SH3RF3: variants seen among roughly 807,000 people sequenced by gnomAD.
SH3RF3 encodes E3 ubiquitin-protein ligase SH3RF3.
In SH3RF3, 29 loss-of-function variants were observed where a neutral mutation model predicts 66.3. The observed-to-expected ratio is 0.44, with a 90% CI of 0.33 to 0.60. The LOEUF is 0.60. Ranked by LOEUF, SH3RF3 falls within the 20% of genes least tolerant of loss-of-function variation. The probability of loss-of-function intolerance (pLI) is 0.04; values close to 1 mark genes in which losing one functional copy is unlikely to be tolerated. For missense variants in SH3RF3, 1,194 were observed against 1,190.9 expected (o/e 1.00, Z -0.04); for synonymous variants, 583 against 532.0 (o/e 1.10, Z -1.32).
At chr2:109,154,159 A>C (rs1439284489) in intron 1 of SH3RF3, among the ~76,000 whole-genome samples, 4 of 152,210 alleles carry the variant, frequency 2.6e-5, no homozygotes, top group African/African-American at 9.7e-5. Flanking sequence ...GTTAGGGTTC[A>C]AAATGTCATC....
chr2:109,249,493 CTT>C (rs1232285647), intron 1 of SH3RF3, among the ~76,000 whole-genome samples: 14 of 24,116 alleles, frequency 5.8e-4, no homozygotes, highest in African/African-American at 4.4e-3. Flanking sequence ...TTCTTTCTTT[CTT>C]TCTTTCTTTC....
At chr2:109,183,334 T>A (rs943589842) in intron 1 of SH3RF3, among the ~76,000 whole-genome samples, 1 of 152,048 alleles carries the variant, frequency 6.6e-6, no homozygotes, top group Non-Finnish European at 1.5e-5. Context: ...TGATAAGTGC[T>A]TTGCAAGGTG....
At chr2:109,398,535 G>C (rs865882313) in intron 3 of SH3RF3, 55 bp from the exon 4 acceptor site, 1 of 1,439,810 alleles carries the variant, frequency 6.9e-7, no homozygotes, top group Non-Finnish European at 9.3e-7. Context: ...CAGAGGGCTG[G>C]TGTGGCATGT....
Position 109,419,569 on chromosome 2 carries a change from A to G in SH3RF3, c.1330A>G (p.Thr444Ala), listed in dbSNP as rs768165893. Residue 444 changes from threonine to alanine, a missense_variant, in exon 5 of 10, where the codon ACG (threonine) becomes GCG (alanine). By Grantham distance (58) the Thr-to-Ala change is moderately conservative. Coordinates refer to ENST00000309415, the MANE Select transcript of SH3RF3 (RefSeq NM_001099289.3). Reference sequence around the variant, plus strand: ...CTCCTCCTCGGCGGGATCTACCCCCACGGCTGTCCCACGGGCTGCCTCGGT... The same window carrying G: ...CTCCTCCTCGGCGGGATCTACCCCCGCGGCTGTCCCACGGGCTGCCTCGGT... ...DVSSSAGSTP[T>A]AVPRAASVSG... is the part of the protein sequence containing the mutation. 6.3e-7 allele frequency: 1 copy of G among 1,598,760 alleles called. No homozygotes were observed. The highest frequency in any genetic ancestry group is 1.1e-5 in the South Asian group (1 of 88,016).
chr2:109,202,486 G>A (rs921813451), intron 1 of SH3RF3, among the ~76,000 whole-genome samples: 8 of 152,168 alleles, frequency 5.3e-5, no homozygotes, highest in African/African-American at 2.4e-5. Flanking sequence ...TCCCTGGGGC[G>A]CGTTCTTGTT....
chr2:109,471,206 CAAAAAAAAAAAAA>C (rs61224177), intron 8 of SH3RF3, among the ~76,000 whole-genome samples: 6 of 40,144 alleles, frequency 1.5e-4, no homozygotes, highest in South Asian at 1.1e-3. Context: ...GACTCTGTCT[CAAAAAAAAAAAAA>C]AAAAAAAAAA....
chr2:109,379,462 C>T (rs952666474), intron 3 of SH3RF3, among the ~76,000 whole-genome samples: 3 of 152,218 alleles, frequency 2.0e-5, no homozygotes, highest in Non-Finnish European at 4.4e-5. Flanking sequence ...GTGTTCCCTA[C>T]ACTTCTGCTG....
chr2:109,249,027 G>T (rs995560187), intron 1 of SH3RF3, among the ~76,000 whole-genome samples: 2 of 152,082 alleles, frequency 1.3e-5, no homozygotes, highest in Non-Finnish European at 2.9e-5. Context: ...GACTATAGGT[G>T]CATGCCACCA....
At chr2:109,258,741 C>T (rs148784940) in intron 1 of SH3RF3, among the ~76,000 whole-genome samples, 8 of 152,342 alleles carry the variant, frequency 5.3e-5, no homozygotes, top group East Asian at 1.9e-4. Context: ...ACATATAATA[C>T]GTGCTGCTTT....
chr2:109,144,493 G>A (rs1456794911), intron 1 of SH3RF3, among the ~76,000 whole-genome samples: 1 of 152,230 alleles, frequency 6.6e-6, no homozygotes, highest in African/African-American at 2.4e-5. Flanking sequence ...CCCAGCTGTG[G>A]ATGTGCTGAG....
chr2:109,297,036 T>A (rs1681328671), intron 1 of SH3RF3, among the ~76,000 whole-genome samples: 1 of 151,906 alleles, frequency 6.6e-6, no homozygotes, highest in South Asian at 2.1e-4. Context: ...TGCCTGGCCC[T>A]GGGTATTTGG....
rs925414905 is a variant in SH3RF3, at chr2:109,490,905, C to T, written c.2449C>T (p.Arg817Cys). The change falls in exon 9 of 10, where the codon CGC becomes TGC. Residue 817 changes from arginine to cysteine, a missense_variant. Arg to Cys is a radical substitution (Grantham distance 180). Transcript: ENST00000309415. ...RQAPLSMAAIRPEPKLLPRER... is the reference protein window; with the variant it reads ...RQAPLSMAAICPEPKLLPRER... ...AGCTCCGCTGTCCATGGCTGCCATC[C>T]GCCCCGAGCCCAAGCTGTTGCCCAG... 1.5e-5 allele frequency: 23 copies of T among 1,515,694 alleles called. No individual in the cohort carries two copies. Among genetic ancestry groups the T allele is most frequent in the Admixed American group, 4.0e-5 (2 of 49,924 alleles). The allele number at this position is 1,515,694 out of a possible 1,614,324, so 93.9% of individuals were successfully genotyped here. A position where few individuals can be genotyped will look rare whatever the true frequency, so the allele number is the denominator to read the frequency against.
intron 8 of SH3RF3, among the ~76,000 whole-genome samples, chr2:109,455,633 G>A (rs948916703): frequency 6.6e-6 from 1 of 152,226 alleles, no homozygotes; most frequent in African/African-American, 2.4e-5. Flanking sequence ...GCTCTTTTGA[G>A]TGGCCAGGCA....
intron 7 of SH3RF3, 53 bp from the exon 8 acceptor site, chr2:109,449,117 G>A: frequency 6.4e-7 from 1 of 1,567,608 alleles, no homozygotes; most frequent in South Asian, 1.2e-5. Flanking sequence ...TGGCAGGCAT[G>A]GCAAGTTGCA....
rs984275109 is a variant in SH3RF3, at chr2:109,301,607, G to A, written c.574-46067G>A. 9.2e-5 allele frequency among the ~76,000 whole-genome samples: 14 copies of A among 152,168 alleles called. No individual in the cohort carries two copies. In the East Asian group the frequency reaches 2.1e-3, roughly 23 times the overall value. ...CGCTACCACCGTCCCCAGGGCCTCT[G>A]TGGGCTCAGAGCATTCTCCCCACCT... On this transcript the variant is annotated intron_variant, in intron 1 of 9. Coordinates refer to ENST00000309415, the MANE Select transcript of SH3RF3 (RefSeq NM_001099289.3).
At chr2:109,234,941 A>G (rs1192277193) in intron 1 of SH3RF3, among the ~76,000 whole-genome samples, 1 of 152,218 alleles carries the variant, frequency 6.6e-6, no homozygotes, top group Non-Finnish European at 1.5e-5. Flanking sequence ...TTGTTGTATG[A>G]GTGTCCTAAC....
intron 8 of SH3RF3, among the ~76,000 whole-genome samples, chr2:109,465,360 T>G (rs1452981825): frequency 3.9e-5 from 6 of 152,236 alleles, no homozygotes; most frequent in African/African-American, 1.4e-4. Context: ...TAAGAGTATG[T>G]GCTGAGGTCG....
chr2:109,390,577 G>A (rs984099235), intron 3 of SH3RF3, among the ~76,000 whole-genome samples: 5 of 152,208 alleles, frequency 3.3e-5, no homozygotes, highest in African/African-American at 9.6e-5. Context: ...ATTTCCCCGT[G>A]AGGACTAGGG....
At chr2:109,440,762 G>C (rs1007774614) in intron 7 of SH3RF3, among the ~76,000 whole-genome samples, 5 of 152,172 alleles carry the variant, frequency 3.3e-5, no homozygotes, top group Non-Finnish European at 5.9e-5. Flanking sequence ...GCAGTGACCA[G>C]AGAGGAGAGA....
Sources: allele counts gnomAD v4.1 joint callset (sites outside exome capture counted in the v4.1 genomes callset), GRCh38; gene constraint gnomAD v4.1.1; transcripts MANE v1.5; gene names NCBI Gene and HGNC (gene_info 2026-07-23, HGNC 2026-07-21).